The following SEC14L1 variants were observed in gnomAD, a reference collection of about 807,000 sequenced individuals.
SEC14L1 encodes the protein SEC14 like lipid binding 1.
Under a neutral mutation model 85.3 loss-of-function variants are expected in SEC14L1, and 48 were observed. The ratio of observed to expected loss-of-function variants is 0.56; its 90% confidence interval spans 0.45 to 0.72. The LOEUF is 0.72. SEC14L1 is among the 30% of genes least tolerant of loss of function. SEC14L1 has a pLI of 0.00. For synonymous variants in SEC14L1, 391 were observed against 355.5 expected (o/e 1.10, Z -1.12); for missense variants, 682 against 921.4 (o/e 0.74, Z 3.36).
chr17:77,199,569 C>T (rs74852803), intron 8 of SEC14L1: 1 of 153,154 alleles, frequency 6.5e-6, no homozygotes, highest in Non-Finnish European at 1.5e-5. Flanking sequence ...GTCTCTGGCA[C>T]TACGAAGGTT....
At chr17:77,183,661 A>G (rs888201088) in intron 3 of SEC14L1, among the ~76,000 whole-genome samples, 1 of 152,212 alleles carries the variant, frequency 6.6e-6, no homozygotes, top group Non-Finnish European at 1.5e-5. Context: ...AAAAAGTGTT[A>G]TTCAATATGA....
intron 3 of SEC14L1, among the ~76,000 whole-genome samples, chr17:77,127,216 T>C (rs1490701120): frequency 2.0e-5 from 3 of 152,000 alleles, no homozygotes; most frequent in African/African-American, 7.3e-5. Flanking sequence ...AACTCCCACT[T>C]ATGAGTGAGA....
chr17:77,139,435 C>T (rs1972901848), upstream of SEC14L1, among the ~76,000 whole-genome samples: 1 of 151,376 alleles, frequency 6.6e-6, no homozygotes, highest in African/African-American at 2.4e-5. Context: ...GTCTCCCAGA[C>T]TGTTGGGATT....
chr17:77,147,411 G>A (rs1973364548), intron 3 of SEC14L1, among the ~76,000 whole-genome samples: 1 of 152,082 alleles, frequency 6.6e-6, no homozygotes, highest in African/African-American at 2.4e-5. Context: ...TAACTCGCTT[G>A]AGTGGTATTT....
chr17:77,186,827 T>C (rs780414736), intron 3 of SEC14L1, among the ~76,000 whole-genome samples: 1 of 152,224 alleles, frequency 6.6e-6, no homozygotes, highest in African/African-American at 2.4e-5. Flanking sequence ...AGTATAATAA[T>C]GGTCTGAAGC....
chr17:77,174,604 T>G (rs1413997060), intron 3 of SEC14L1, among the ~76,000 whole-genome samples: 2 of 152,190 alleles, frequency 1.3e-5, no homozygotes, highest in Non-Finnish European at 2.9e-5. Flanking sequence ...CCGGGTTTAT[T>G]CGTCACACCA....
At chr17:77,132,234 T>TA (rs1461459682) in intron 3 of SEC14L1, among the ~76,000 whole-genome samples, 1 of 151,188 alleles carries the variant, frequency 6.6e-6, no homozygotes, top group Non-Finnish European at 1.5e-5. Flanking sequence ...GAATTTTTTT[T>TA]TTTTTTTTTT....
chr17:77,187,372 C>T (rs554350432), intron 3 of SEC14L1, among the ~76,000 whole-genome samples: 1 of 142,594 alleles, frequency 7.0e-6, no homozygotes, highest in African/African-American at 2.7e-5. Flanking sequence ...TACCCTATGC[C>T]CCCCCCCCAC....
chr17:77,187,905 T>C (rs1975343501), intron 3 of SEC14L1, among the ~76,000 whole-genome samples: 1 of 151,784 alleles, frequency 6.6e-6, no homozygotes. Flanking sequence ...CCACCACACC[T>C]GGCTAATTTT....
chr17:77,141,859 C>G (rs1306934744), intron 1 of SEC14L1: 1 of 152,180 alleles, frequency 6.6e-6, no homozygotes, highest in Non-Finnish European at 1.5e-5. Flanking sequence ...GGAGAGTACC[C>G]TAAAATTAAT....
At chr17:77,098,390 T>G (rs1971698101) in intron 3 of SEC14L1, among the ~76,000 whole-genome samples, 3 of 151,716 alleles carry the variant, frequency 2.0e-5, no homozygotes, top group Admixed American at 2.0e-4. Flanking sequence ...TCCCAGCTAC[T>G]CGGGAGGCTG....
At chr17:77,107,393 AAAAG>A (rs541834304) in intron 3 of SEC14L1, among the ~76,000 whole-genome samples, 126 of 152,314 alleles carry the variant, frequency 8.3e-4, no homozygotes, top group African/African-American at 2.8e-3. Context: ...GGTAGGAACG[AAAAG>A]AAAGAGTCTC....
At chr17:77,188,561 G>A (rs7222475) in intron 3 of SEC14L1, among the ~76,000 whole-genome samples, 7,958 of 152,090 alleles carry the variant, frequency 0.052, 315 homozygotes, top group Admixed American at 0.11. Flanking sequence ...AGGACATCTC[G>A]GAGTTGTTTC....
rs75076568 is a variant in SEC14L1 at position 77,213,972 on chromosome 17, C to T, written c.2097C>T (p.Ala699=). 25,804 of 1,613,498 alleles carry T rather than the reference C, an allele frequency of 0.016. 317 individuals are homozygous for T. The highest frequency in any genetic ancestry group is 0.049 in the South Asian group (4,493 of 91,058). Residue 699 remains alanine, a synonymous_variant, in exon 17 of 17, where the codon GCC becomes GCT. Transcript: ENST00000436233. This position sits in a 1 kb window ranked among gnomAD's most constrained non-coding sequence, Gnocchi z 7.1. ...SSHSGFSQLS[A]ATTSSSQSHS... ...ACAGCGGCTTCTCCCAGCTGAGTGC[C>T]GCCACCACCTCCTCCAGCCAGTCCC... is the stretch of plus-strand genomic sequence containing the variant.
At position 77,214,724 on chromosome 17, in the gene SEC14L1, A is replaced by C; in HGVS notation, c.*701A>C. 1.0e-6 allele frequency: 1 copy of C among 985,334 alleles called. No individual in the cohort carries two copies. The highest frequency in any genetic ancestry group is 1.2e-6 in the Non-Finnish European group (1 of 829,950). The allele number at this position is 985,334 out of a possible 1,614,324, so 61.0% of individuals were successfully genotyped here. On this transcript the variant is annotated 3_prime_UTR_variant, in exon 17 of 17. Coordinates refer to ENST00000436233, the MANE Select transcript of SEC14L1 (RefSeq NM_001143998.2). ...ATTACTTTCTCTTTCCTCCTTTTCA[A>C]ATCTTTTTGATACTTTTTAGAGCAG...
At chr17:77,089,262 G>C (rs1248895604) in exon 2 of SEC14L1, 2 of 406,364 alleles carry the variant, frequency 4.9e-6, no homozygotes, top group Non-Finnish European at 9.7e-6. Context: ...GACCTCAGCA[G>C]GGCATCCAGG....
At chr17:77,141,281 GCC>G (rs1354337966) in intron 1 of SEC14L1, 174 bp downstream of exon 1, 9 of 17,416 alleles carry the variant, frequency 5.2e-4, no homozygotes, top group African/African-American at 2.2e-3. Context: ...CCGTGCCCCC[GCC>G]CCCCTGCTCG....
rs1422407122 is a variant in SEC14L1, at chr17:77,148,733, C to T, written c.63+5074C>T. ...AGACCAGGGGTCCCTTGTTCCTTTG[C>T]GCACTCACATCTTTCATCCCTTAGG... On this transcript the variant is annotated intron_variant, in intron 3 of 16. Transcript: ENST00000436233. 2.6e-5 allele frequency among the ~76,000 whole-genome samples: 4 copies of T among 152,328 alleles called. No homozygotes were observed. The South Asian group carries it at 6.2e-4, about 24-fold the overall frequency.
intron 3 of SEC14L1, among the ~76,000 whole-genome samples, chr17:77,095,206 A>G (rs958692772): frequency 2.0e-5 from 3 of 152,184 alleles, no homozygotes; most frequent in South Asian, 4.1e-4. Context: ...TCTTATTTAT[A>G]GCGTGGAAAA....
Sources: allele counts gnomAD v4.1 joint callset (sites outside exome capture counted in the v4.1 genomes callset), GRCh38; gene constraint gnomAD v4.1.1; non-coding constraint Gnocchi (gnomAD v3.1); transcripts MANE v1.5; gene names NCBI Gene and HGNC (gene_info 2026-07-23, HGNC 2026-07-21).